Variants in MID1 observed in about 807,000 individuals in gnomAD.
MID1 encodes E3 ubiquitin-protein ligase Midline-1.
In MID1, 7 loss-of-function variants were observed where a neutral mutation model predicts 40.4. That is an observed-to-expected ratio of 0.17 (90% CI 0.10 to 0.33). MID1 has a LOEUF of 0.33. MID1 is among the 10% of genes least tolerant of loss of function. MID1 has a pLI of 1.00. For missense variants in MID1, 367 were observed against 558.5 expected, an observed-to-expected ratio of 0.66 and a Z score of 3.46; for synonymous variants, 229 against 221.2, an observed-to-expected ratio of 1.04 and a Z score of -0.31.
At chrX:10,632,595 T>A (rs1160178777) in intron 1 of MID1, among the ~76,000 whole-genome samples, 2 of 110,395 alleles carry the variant, frequency 1.8e-5, no homozygotes, top group Non-Finnish European at 3.8e-5. Context: ...AAAACACAGG[T>A]TACAGGGCCC....
At chrX:10,589,275 C>T (rs1253287306) in intron 1 of MID1, among the ~76,000 whole-genome samples, 5 of 111,760 alleles carry the variant, frequency 4.5e-5, no homozygotes, top group African/African-American at 1.6e-4. Context: ...GGTGATCAGG[C>T]CATGCTTCCA....
chrX:10,525,781 G>A (rs757561369), intron 2 of MID1, among the ~76,000 whole-genome samples: 2 of 112,063 alleles, frequency 1.8e-5, no homozygotes, highest in South Asian at 7.5e-4. Flanking sequence ...GAAGATGTCA[G>A]GTTCCCTTTG....
At chrX:10,694,414 T>C (rs2043148805) in intron 1 of MID1, among the ~76,000 whole-genome samples, 1 of 112,331 alleles carries the variant, frequency 8.9e-6, no homozygotes, top group Non-Finnish European at 1.9e-5. Flanking sequence ...CACTGAGCAC[T>C]CCTGCATGCA....
intron 1 of MID1, among the ~76,000 whole-genome samples, chrX:10,665,433 C>T (rs763246528): frequency 5.4e-5 from 6 of 111,115 alleles, no homozygotes; most frequent in Non-Finnish European, 9.4e-5. Context: ...AACCTCGCAA[C>T]ACTCTGACTA....
chrX:10,689,402 A>G (rs921401120), intron 1 of MID1, among the ~76,000 whole-genome samples: 2 of 111,224 alleles, frequency 1.8e-5, no homozygotes, highest in African/African-American at 6.5e-5. Context: ...TACTATCACA[A>G]GAACAGCACA....
chrX:10,680,225 C>T lies in MID1; in HGVS notation c.-186-59806G>A, dbSNP rs180850929. 9.1e-4 allele frequency among the ~76,000 whole-genome samples: 102 copies of T among 111,818 alleles called. 1 individual carries two copies. Among genetic ancestry groups the T allele is most frequent in the African/African-American group, 2.8e-3 (87 of 30,824 alleles). The stretch of plus-strand genomic sequence containing the variant: ...GACTGCAGTAGAATTATTTAGCCTT[C>T]AGAGAGCTCAAGAAAAATTTCTAGG... On this transcript the variant is annotated intron_variant, in intron 1 of 10. Transcript: ENST00000380785.
rs1024296149 is a variant in MID1, at chrX:10,513,196, T to C, written c.756+9896A>G. Among the ~76,000 whole-genome samples the C allele has an allele frequency of 2.7e-5, 3 of 112,570 alleles. No homozygotes were observed. In the Admixed American group the frequency reaches 2.8e-4, roughly 11 times the overall value. On this transcript the variant is annotated intron_variant, in intron 3 of 9. Transcript: ENST00000317552. Reference sequence around the variant, plus strand: ...TCTTTCATAATCTGTAATTATTTTATACACAGAGATAATTTCAACTTGATT... The same window carrying C: ...TCTTTCATAATCTGTAATTATTTTACACACAGAGATAATTTCAACTTGATT...
rs190289163 is a variant in MID1 at position 10,657,490 on chromosome X, T to A, written c.-186-37071A>T. Among the ~76,000 whole-genome samples, 117 of 111,836 alleles carry A rather than the reference T, an allele frequency of 1.0e-3. 1 individual carries two copies. The highest frequency in any genetic ancestry group is 9.3e-3 in the Middle Eastern group (2 of 215). On this transcript the variant is annotated intron_variant, in intron 1 of 10. Coordinates refer to the MID1 transcript ENST00000380785. ...CCACTTAGATGGTGAGCAAAATCAGTGTTGCTACCAGGCCCCATTTGCCCT... is the reference window on the plus strand; with the variant it reads ...CCACTTAGATGGTGAGCAAAATCAGAGTTGCTACCAGGCCCCATTTGCCCT...
At chrX:10,767,927 G>A (rs1475229748) in intron 1 of MID1, among the ~76,000 whole-genome samples, 1 of 111,606 alleles carries the variant, frequency 9.0e-6, no homozygotes, top group East Asian at 2.8e-4. Flanking sequence ...AGTTGTTTAC[G>A]TTTCTAGAAA....
intron 1 of MID1, among the ~76,000 whole-genome samples, chrX:10,730,658 G>A (rs1216642883): frequency 1.0e-4 from 10 of 98,574 alleles, no homozygotes; most frequent in African/African-American, 3.5e-4. Context: ...TGCAAGCTCC[G>A]CCTCCCGTGT....
At chrX:10,481,066 T>C (rs1244404851) in intron 5 of MID1, among the ~76,000 whole-genome samples, 1 of 112,312 alleles carries the variant, frequency 8.9e-6, no homozygotes, top group Non-Finnish European at 1.9e-5. Flanking sequence ...GTCTACTGCC[T>C]GTTTTTGTAA....
At chrX:10,535,675 T>C (rs1933220130) in intron 2 of MID1, among the ~76,000 whole-genome samples, 1 of 112,210 alleles carries the variant, frequency 8.9e-6, no homozygotes, top group African/African-American at 3.2e-5. Context: ...ATTTGGTCTG[T>C]TGACCTTAAC....
intron 3 of MID1, among the ~76,000 whole-genome samples, chrX:10,502,609 T>C (rs1053271102): frequency 1.3e-4 from 14 of 111,818 alleles, no homozygotes; most frequent in African/African-American, 4.5e-4. Flanking sequence ...CTGTGAACCC[T>C]TTAGTTTAAG....
intron 1 of MID1, among the ~76,000 whole-genome samples, chrX:10,659,216 G>A (rs1373206701): frequency 8.9e-6 from 1 of 112,064 alleles, no homozygotes; most frequent in African/African-American, 3.2e-5. Flanking sequence ...GACCCCTGGG[G>A]TCTGTGGCTC....
At chrX:10,773,626 CT>C (rs1285388675) in intron 1 of MID1, among the ~76,000 whole-genome samples, 1 of 112,026 alleles carries the variant, frequency 8.9e-6, no homozygotes, top group African/African-American at 3.2e-5. Context: ...GATTTTTCCC[CT>C]GGTTACATTT....
intron 1 of MID1, among the ~76,000 whole-genome samples, chrX:10,736,427 T>C (rs937989782): frequency 8.9e-6 from 1 of 112,299 alleles, no homozygotes; most frequent in Non-Finnish European, 1.9e-5. Flanking sequence ...AGGATGTTCA[T>C]ATGCCATATT....
At chrX:10,545,928 A>G (rs1933665199) in intron 2 of MID1, among the ~76,000 whole-genome samples, 1 of 111,775 alleles carries the variant, frequency 8.9e-6, no homozygotes, top group Non-Finnish European at 1.9e-5. Context: ...TGGCTGCTGC[A>G]GTAGATGAAT....
chrX:10,544,738 T>C (rs1933614732), intron 2 of MID1, among the ~76,000 whole-genome samples: 1 of 111,917 alleles, frequency 8.9e-6, no homozygotes, highest in African/African-American at 3.3e-5. Flanking sequence ...ACTCTTATTA[T>C]GGGATAATTC....
intron 1 of MID1, among the ~76,000 whole-genome samples, chrX:10,751,614 G>A (rs2043599027): frequency 1.8e-5 from 2 of 112,009 alleles, no homozygotes; most frequent in Non-Finnish European, 3.8e-5. Flanking sequence ...CTGGGTGACA[G>A]AGGAGGAGAC....
Sources: gnomAD v4.1 joint callset for allele counts (sites outside exome capture counted in the v4.1 genomes callset) on GRCh38, gnomAD v4.1.1 for gene constraint, MANE v1.5 for transcripts, NCBI Gene and HGNC (gene_info 2026-07-23, HGNC 2026-07-21) for gene names.